Variants in NDFIP1 observed in about 807,000 individuals in gnomAD.
NDFIP1 encodes NEDD4 family-interacting protein 1.
NDFIP1 carries 7 observed loss-of-function variants against 28.8 expected under a neutral mutation model. The ratio of observed to expected loss-of-function variants is 0.24; its 90% confidence interval spans 0.14 to 0.46. The LOEUF (loss-of-function observed/expected upper bound fraction) is 0.46. Among genes scored for constraint, NDFIP1 ranks in the 20% least tolerant of loss-of-function variants. The pLI is 0.99. For missense variants in NDFIP1, 194 were observed against 269.1 expected, an observed-to-expected ratio of 0.72 and a Z score of 1.95; for synonymous variants, 92 against 101.0, an observed-to-expected ratio of 0.91 and a Z score of 0.53.
Position 142,153,180 on chromosome 5 carries a change from G to T in NDFIP1, c.*1452G>T. 1 of 425,360 alleles carries T rather than the reference G, an allele frequency of 2.4e-6. No homozygotes were observed. The highest frequency in any genetic ancestry group is 4.7e-6 in the Non-Finnish European group (1 of 213,024). 26.3% of individuals were successfully genotyped at this position (425,360 alleles called of 1,614,324 possible). A position where few individuals can be genotyped will look rare whatever the true frequency, so the allele number is the denominator to read the frequency against. ...GAGCATTCAGTCAGTTGAAATTAAA[G>T]ATTCCTCATTTCTCCTGATTTCTAT... On this transcript the variant is annotated 3_prime_UTR_variant, in exon 8 of 8. Transcript: ENST00000253814.
chr5:142,132,380 G>A (rs369492431), intron 3 of NDFIP1, 38 bp downstream of exon 3: 8 of 1,590,550 alleles, frequency 5.0e-6, no homozygotes, highest in African/African-American at 1.4e-5. Flanking sequence ...TGGCTGCTCT[G>A]TGGGAATTAA....
intron 1 of NDFIP1, among the ~76,000 whole-genome samples, chr5:142,109,987 C>A (rs1010971650): frequency 2.5e-4 from 38 of 152,298 alleles, no homozygotes; most frequent in African/African-American, 8.9e-4. Flanking sequence ...TCGGTGCATA[C>A]AGATGTCAAT....
At position 142,137,716 on chromosome 5, in the gene NDFIP1, C is replaced by T. The variant is rs1354007673; in HGVS notation, c.371-18C>T. Reference sequence around the variant, plus strand: ...AACAGGACATGTCTAACATCTTTCCCCTCCTCTGCTTTTGCAGTGGCATTC... The same window carrying T: ...AACAGGACATGTCTAACATCTTTCCTCTCCTCTGCTTTTGCAGTGGCATTC... On this transcript the variant is annotated intron_variant, in intron 4 of 7. Transcript: ENST00000253814. 3.7e-6 allele frequency: 6 copies of T among 1,613,452 alleles called. No homozygotes were observed. Among genetic ancestry groups the T allele is most frequent in the South Asian group, 3.3e-5 (3 of 91,004 alleles).
chr5:142,137,328 T>C (rs1757287170), intron 4 of NDFIP1, among the ~76,000 whole-genome samples: 1 of 151,718 alleles, frequency 6.6e-6, no homozygotes, highest in Non-Finnish European at 1.5e-5. Context: ...TGCCCGGCTT[T>C]TGTTTGTTTG....
chr5:142,122,994 G>A (rs138776793), intron 1 of NDFIP1, among the ~76,000 whole-genome samples: 1 of 152,066 alleles, frequency 6.6e-6, no homozygotes, highest in Non-Finnish European at 1.5e-5. Context: ...GCAGAGTCTC[G>A]CTCTGTTGCC....
chr5:142,144,767 G>A (rs1757371362), intron 7 of NDFIP1, 91 bp downstream of exon 7: 1 of 742,348 alleles, frequency 1.3e-6, no homozygotes, highest in Non-Finnish European at 2.2e-6. Context: ...TCTGTGATAG[G>A]GGCATATAGA....
intron 1 of NDFIP1, among the ~76,000 whole-genome samples, chr5:142,121,316 G>A (rs116776895): frequency 6.6e-6 from 1 of 152,140 alleles, no homozygotes; most frequent in Admixed American, 6.5e-5. Context: ...GGTTGGAGAT[G>A]CCTGTTTCTC....
At chr5:142,133,833 G>C (rs1429417436) in intron 3 of NDFIP1, among the ~76,000 whole-genome samples, 1 of 152,176 alleles carries the variant, frequency 6.6e-6, no homozygotes, top group Non-Finnish European at 1.5e-5. Context: ...TCCAACTAGG[G>C]TAAAGGGCCC....
chr5:142,136,780 C>A (rs1170214005), intron 4 of NDFIP1, among the ~76,000 whole-genome samples: 7 of 103,996 alleles, frequency 6.7e-5, no homozygotes, highest in Non-Finnish European at 1.4e-4. Context: ...AAAAAGAGGT[C>A]AAAGGCTGGG....
chr5:142,119,990 C>G (rs1757106392), intron 1 of NDFIP1, among the ~76,000 whole-genome samples: 1 of 152,164 alleles, frequency 6.6e-6, no homozygotes, highest in African/African-American at 2.4e-5. Context: ...GAGTCTCGCT[C>G]TGTTGTCCAG....
rs1269559945 is a variant in NDFIP1, at chr5:142,108,855, G to GGCC, written c.-119_-117dup. 1.3e-6 allele frequency: 1 copy of GGCC among 793,818 alleles called. No individual in the cohort carries two copies. 49.2% of individuals were successfully genotyped at this position (793,818 alleles called of 1,614,324 possible). A position where few individuals can be genotyped will look rare whatever the true frequency, so the allele number is the denominator to read the frequency against. On this transcript the variant is annotated 5_prime_UTR_variant, in exon 1 of 8. Coordinates refer to ENST00000253814, the MANE Select transcript of NDFIP1 (RefSeq NM_030571.4). ...GAGCGTCTCGCCCGGGAGCGGCGGC[G>GGCC]GCCATCGAGACCCACCCAAGGCGCG...
intron 6 of NDFIP1, among the ~76,000 whole-genome samples, chr5:142,141,128 G>T (rs986980610): frequency 1.4e-5 from 2 of 143,806 alleles, no homozygotes; most frequent in Non-Finnish European, 3.0e-5. Context: ...TTAGTTTACC[G>T]TTGGTGAGAA....
rs973076700 is a variant in NDFIP1 at position 142,152,994 on chromosome 5, A to C, written c.*1266A>C. 6.8e-6 allele frequency: 2 copies of C among 294,312 alleles called. No individual in the cohort carries two copies. Among genetic ancestry groups the C allele is most frequent in the African/African-American group, 2.2e-5 (1 of 45,342 alleles). The allele number at this position is 294,312 out of a possible 1,614,324, so 18.2% of individuals were successfully genotyped here. The stretch of plus-strand genomic sequence containing the variant: ...TTGGTTCTGTAAAAGATAATGGACT[A>C]AAAAAGTAGAGAGGAGTTGTAGAGA... On this transcript the variant is annotated 3_prime_UTR_variant, in exon 8 of 8. Coordinates refer to ENST00000253814, the MANE Select transcript of NDFIP1 (RefSeq NM_030571.4).
chr5:142,142,113 G>A (rs1191744962), intron 6 of NDFIP1, among the ~76,000 whole-genome samples: 1 of 151,940 alleles, frequency 6.6e-6, no homozygotes, highest in African/African-American at 2.4e-5. Flanking sequence ...CTTCAGCTTG[G>A]GTGACAGCAA....
intron 3 of NDFIP1, among the ~76,000 whole-genome samples, chr5:142,134,584 G>T (rs1448679209): frequency 6.6e-6 from 1 of 152,106 alleles, no homozygotes; most frequent in Non-Finnish European, 1.5e-5. Context: ...GGGTCTTCCA[G>T]ACCCTTTTCT....
intron 7 of NDFIP1, among the ~76,000 whole-genome samples, chr5:142,147,929 C>T (rs1028076709): frequency 6.6e-6 from 1 of 152,122 alleles, no homozygotes; most frequent in Non-Finnish European, 1.5e-5. Context: ...AATCAGAGAA[C>T]ACAAACTTTA....
chr5:142,138,011 A>G, intron 5 of NDFIP1, 153 bp downstream of exon 5: 2 of 877,886 alleles, frequency 2.3e-6, no homozygotes, highest in Non-Finnish European at 3.3e-6. Flanking sequence ...GCTGAACCAA[A>G]ATCATTTGCA....
At chr5:142,120,127 T>G (rs1440797489) in intron 1 of NDFIP1, among the ~76,000 whole-genome samples, 1 of 152,152 alleles carries the variant, frequency 6.6e-6, no homozygotes, top group African/African-American at 2.4e-5. Flanking sequence ...AGCTAATTCT[T>G]GTATTTTTAG....
At chr5:142,135,655 C>T (rs529956180) in intron 3 of NDFIP1, 75 bp from the exon 4 acceptor site, 6 of 1,279,446 alleles carry the variant, frequency 4.7e-6, no homozygotes, top group South Asian at 3.7e-5. Context: ...TTTTTCCTTG[C>T]TACTCAAATT....
Sources: gnomAD v4.1 joint callset for allele counts (sites outside exome capture counted in the v4.1 genomes callset) on GRCh38, gnomAD v4.1.1 for gene constraint, MANE v1.5 for transcripts, NCBI Gene and HGNC (gene_info 2026-07-23, HGNC 2026-07-21) for gene names.